The following NRXN2 variants were observed in gnomAD, a reference collection of about 807,000 sequenced individuals.
NRXN2 encodes the protein neurexin-2-beta.
A neutral mutation model predicts 128.8 loss-of-function variants in NRXN2; 29 were observed. That is an observed-to-expected ratio of 0.23 (90% confidence interval 0.17 to 0.31). The LOEUF is 0.31. NRXN2 is among the 10% of genes least tolerant of loss of function. The probability of loss-of-function intolerance (pLI) is 1.00; values close to 1 mark genes in which losing one functional copy is unlikely to be tolerated. For missense variants in NRXN2, 1,881 were observed against 2,452.6 expected (o/e 0.77, Z 4.92); for synonymous variants, 1,098 against 1,075.2 (o/e 1.02, Z -0.41).
In NRXN2 at chr11:64,648,951, C is replaced by G; in HGVS notation, c.3110-44G>C. Reference sequence around the variant, plus strand: ...AACCAAGGCATCCAGGTCCCCATTCCCATCCCAAGACAATGGCATCTGGCT... The same window carrying G: ...AACCAAGGCATCCAGGTCCCCATTCGCATCCCAAGACAATGGCATCTGGCT... On this transcript the variant is annotated intron_variant, in intron 15 of 22. Transcript: ENST00000265459. This position sits in a 1 kb window ranked among gnomAD's most constrained non-coding sequence, Gnocchi z 4.1. The G allele has an allele frequency of 4.4e-6, 7 of 1,604,826 alleles. No homozygotes were observed. The South Asian group carries it at 6.6e-5, about 15-fold the overall frequency.
chr11:64,621,177 C>T (rs990456286), intron 21 of NRXN2, among the ~76,000 whole-genome samples: 2 of 152,152 alleles, frequency 1.3e-5, no homozygotes, highest in African/African-American at 4.8e-5. Context: ...AGCCCTCACT[C>T]ACCCAAGGGC....
At chr11:64,689,190 T>C (rs2053495719) in intron 5 of NRXN2, among the ~76,000 whole-genome samples, 1 of 151,846 alleles carries the variant, frequency 6.6e-6, no homozygotes, top group South Asian at 2.1e-4. Flanking sequence ...TGCCAGTTGG[T>C]AACTTTCTGC....
chr11:64,614,942 G>A (rs1364655378), intron 22 of NRXN2, among the ~76,000 whole-genome samples: 1 of 152,210 alleles, frequency 6.6e-6, no homozygotes, highest in African/African-American at 2.4e-5. Context: ...GGGAGGGGTG[G>A]GTGTGTCCTG....
intron 1 of NRXN2, among the ~76,000 whole-genome samples, chr11:64,717,120 C>T (rs565177958): frequency 6.6e-6 from 1 of 152,290 alleles, no homozygotes; most frequent in East Asian, 1.9e-4. Flanking sequence ...CTCACACGAC[C>T]ACATCAAGTA....
At chr11:64,638,275 A>G (rs917261843) in intron 17 of NRXN2, among the ~76,000 whole-genome samples, 6 of 152,182 alleles carry the variant, frequency 3.9e-5, no homozygotes, top group African/African-American at 1.4e-4. Context: ...CGTTTATTAC[A>G]CTGTGGGGGG....
intron 2 of NRXN2, chr11:64,712,612 C>T (rs543430818): frequency 6.5e-6 from 3 of 459,404 alleles, no homozygotes; most frequent in Non-Finnish European, 1.3e-5. Flanking sequence ...CGCAGACCCC[C>T]ACCCACAAGC....
At position 64,607,210 on chromosome 11, in the gene NRXN2, CCTT is replaced by C. The variant is rs762685665; in HGVS notation, c.5122_5124del (p.Lys1708del). The C allele has an allele frequency of 6.2e-7, 1 of 1,613,580 alleles. No individual in the cohort carries two copies. The highest frequency in any genetic ancestry group is 1.1e-5 in the South Asian group (1 of 91,016). ...GTGCCGGGGGCTCAGACATAATACT[CCTT>C]GTCTTTGTTCTTCTTGGCCTTGCTG... On this transcript the variant is annotated inframe_deletion, in exon 23 of 23. Transcript: ENST00000265459.
rs2043706698 is a variant in NRXN2, at chr11:64,630,332, G to C, written c.3757+70C>G. 1 of 1,404,282 alleles carries C rather than the reference G, an allele frequency of 7.1e-7. No homozygotes were observed. The highest frequency in any genetic ancestry group is 9.6e-7 in the Non-Finnish European group (1 of 1,036,360). 87.0% of individuals were successfully genotyped at this position (1,404,282 alleles called of 1,614,324 possible). A position where few individuals can be genotyped will look rare whatever the true frequency, so the allele number is the denominator to read the frequency against. ...GAGCCGCTTAGCCCCGCCCCGGTGC[G>C]GCCGCACTCCTATCAGAGGCCGCCA... On this transcript the variant is annotated intron_variant, in intron 19 of 22. Coordinates refer to ENST00000265459, the MANE Select transcript of NRXN2 (RefSeq NM_015080.4). The surrounding 1 kb of genome is among the most constrained non-coding windows in gnomAD (Gnocchi z 4.6).
intron 9 of NRXN2, among the ~76,000 whole-genome samples, chr11:64,662,695 T>C (rs2049209979): frequency 6.6e-6 from 1 of 151,790 alleles, no homozygotes; most frequent in Admixed American, 6.6e-5. Context: ...GGCAGGAGAA[T>C]GGTGTGAACC....
At chr11:64,653,780 T>TC in intron 11 of NRXN2, 58 bp from the exon 12 acceptor site, 1 of 1,297,986 alleles carries the variant, frequency 7.7e-7, no homozygotes, top group East Asian at 2.5e-5. Context: ...AAAACAAGTT[T>TC]TTTTTTTTTT....
chr11:64,676,979 A>T lies in NRXN2; in HGVS notation c.1197+14T>A. On this transcript the variant is annotated intron_variant, in intron 7 of 22. Transcript: ENST00000265459. ...CGGCAAACCAAACGGTAAGACAATTAGAGTGATATCTACCAGATAATGCAG... is the reference window on the plus strand; with the variant it reads ...CGGCAAACCAAACGGTAAGACAATTTGAGTGATATCTACCAGATAATGCAG... The T allele has an allele frequency of 6.2e-7, 1 of 1,611,932 alleles. No individual in the cohort carries two copies. The highest frequency in any genetic ancestry group is 8.5e-7 in the Non-Finnish European group (1 of 1,178,244).
chr11:64,651,428 G>A lies in NRXN2; in HGVS notation c.2745C>T (p.Ile915=), dbSNP rs526338. Residue 915 remains isoleucine (I), a synonymous_variant, in exon 14 of 23, where the codon ATC becomes ATT. Transcript: ENST00000265459. The surrounding 1 kb of genome is among the most constrained non-coding windows in gnomAD (Gnocchi z 5.9). ...TCTTGAAGGTGACGGGATCGGCCAC[G>A]ATGGCACGCAGGCCAAAGCGAGCAT... ...ELNARFGLRA[I]VADPVTFKSR... 1,042,126 of 1,613,850 alleles carry A rather than the reference G, an allele frequency of 0.65. 354,815 individuals carry two copies. The highest frequency in any genetic ancestry group is 0.71 in the Non-Finnish European group (837,411 of 1,179,884).
chr11:64,626,404 C>T, intron 20 of NRXN2, 59 bp downstream of exon 20: 2 of 1,354,810 alleles, frequency 1.5e-6, no homozygotes, highest in Non-Finnish European at 2.1e-6. Flanking sequence ...GAGAGCTCTG[C>T]ACCTTTAAGA....
intron 17 of NRXN2, among the ~76,000 whole-genome samples, chr11:64,646,821 C>A (rs2046749083): frequency 6.6e-6 from 1 of 152,014 alleles, no homozygotes; most frequent in Admixed American, 6.5e-5. Context: ...CAGGCTGGAA[C>A]ACCCTCAGCT....
chr11:64,662,972 G>A (rs1315369580), intron 9 of NRXN2, among the ~76,000 whole-genome samples: 8 of 152,058 alleles, frequency 5.3e-5, no homozygotes, highest in Admixed American at 5.2e-4. Flanking sequence ...GGGAGCTTTG[G>A]GAGGAGAATC....
At chr11:64,641,151 A>T (rs2045602380) in intron 17 of NRXN2, among the ~76,000 whole-genome samples, 1 of 152,022 alleles carries the variant, frequency 6.6e-6, no homozygotes, top group South Asian at 2.1e-4. Context: ...ACGGACATGG[A>T]AGGTGAAGAG....
At chr11:64,688,492 T>G in intron 5 of NRXN2, 1 of 985,356 alleles carries the variant, frequency 1.0e-6, no homozygotes, top group Non-Finnish European at 1.2e-6. Context: ...GGGATTCTAC[T>G]GGGGTGAGCC....
At chr11:64,690,355 C>A in intron 5 of NRXN2, 50 bp downstream of exon 5, 2 of 1,549,348 alleles carry the variant, frequency 1.3e-6, no homozygotes, top group South Asian at 1.2e-5. Flanking sequence ...CACAGTTAGC[C>A]TGCAGCAGGA....
intron 6 of NRXN2, 96 bp downstream of exon 6, chr11:64,685,550 T>A (rs990746707): frequency 3.3e-6 from 5 of 1,514,140 alleles, no homozygotes; most frequent in Non-Finnish European, 4.6e-6. Context: ...TGCCCAGCCC[T>A]GATCCCTCCA....
Sources: gnomAD v4.1 joint callset for allele counts (sites outside exome capture counted in the v4.1 genomes callset) on GRCh38, gnomAD v4.1.1 for gene constraint, Gnocchi (gnomAD v3.1) non-coding constraint, MANE v1.5 for transcripts, NCBI Gene and HGNC (gene_info 2026-07-23, HGNC 2026-07-21) for gene names.